XYLB: variants seen among roughly 807,000 people sequenced by gnomAD.
XYLB encodes xylulokinase.
A neutral mutation model predicts 78.7 loss-of-function variants in XYLB; 62 were observed. The observed-to-expected ratio is 0.79, with a 90% CI of 0.64 to 0.97. The LOEUF is 0.97. Ranked by LOEUF, XYLB falls within the 50% of genes least tolerant of loss-of-function variation. The pLI, the probability that XYLB is intolerant of heterozygous loss-of-function variation, is 0.00. For missense variants in XYLB, 687 were observed against 676.8 expected (o/e 1.02, Z -0.17); for synonymous variants, 245 against 247.4 (o/e 0.99, Z 0.09).
At chr3:38,382,948 G>T (rs549967703) in intron 15 of XYLB, among the ~76,000 whole-genome samples, 1 of 152,332 alleles carries the variant, frequency 6.6e-6, no homozygotes, top group African/African-American at 2.4e-5. Flanking sequence ...GAGGTTGCAC[G>T]CACGTGAGGA....
chr3:38,397,480 G>T lies in XYLB; in HGVS notation c.1438+321G>T, dbSNP rs571740311. ...GTGGGCATGAGTCTGGACAGCTAGA[G>T]GGCAGGAGAGGTGGACAAAGTCCAG... On this transcript the variant is annotated intron_variant, in intron 17 of 18. Transcript: ENST00000207870. Among the ~76,000 whole-genome samples the T allele has an allele frequency of 2.4e-4, 36 of 152,306 alleles. No individual in the cohort carries two copies. The Middle Eastern group carries it at 0.014, about 58-fold the overall frequency.
intron 3 of XYLB, 96 bp from the exon 4 acceptor site, chr3:38,362,841 T>G (rs900553133): frequency 1.1e-5 from 11 of 1,019,274 alleles, no homozygotes; most frequent in Non-Finnish European, 1.4e-5. Flanking sequence ...CAGAGTACTC[T>G]GCTGTAATGG....
At chr3:38,385,818 G>A (rs996155641) in intron 15 of XYLB, among the ~76,000 whole-genome samples, 2 of 152,162 alleles carry the variant, frequency 1.3e-5, no homozygotes, top group Admixed American at 1.3e-4. Flanking sequence ...ATGTTTGGAT[G>A]CTCTCTCTGG....
intron 3 of XYLB, among the ~76,000 whole-genome samples, chr3:38,361,430 G>A (rs936035884): frequency 6.6e-6 from 1 of 151,410 alleles, no homozygotes; most frequent in Non-Finnish European, 1.5e-5. Flanking sequence ...CAAAATAACT[G>A]GTATGATTTC....
downstream of XYLB, among the ~76,000 whole-genome samples, chr3:38,424,601 A>G (rs1264635909): frequency 2.0e-5 from 3 of 152,206 alleles, no homozygotes; most frequent in Non-Finnish European, 4.4e-5. Context: ...TCTGGATCAA[A>G]AAGTAAAGTT....
intron 15 of XYLB, among the ~76,000 whole-genome samples, chr3:38,381,618 T>G (rs1707148999): frequency 6.6e-6 from 1 of 152,222 alleles, no homozygotes; most frequent in South Asian, 2.1e-4. Context: ...AATGTGCGCC[T>G]GCGGGTAGGT....
At chr3:38,363,761 G>A (rs898448947) in intron 4 of XYLB, among the ~76,000 whole-genome samples, 5 of 152,172 alleles carry the variant, frequency 3.3e-5, no homozygotes, top group Non-Finnish European at 7.3e-5. Flanking sequence ...TTTACATGAG[G>A]CACGGAGAGG....
chr3:38,361,647 C>A (rs753045512), intron 3 of XYLB, among the ~76,000 whole-genome samples: 7 of 152,130 alleles, frequency 4.6e-5, no homozygotes, highest in Non-Finnish European at 7.3e-5. Flanking sequence ...AGGCCTTCAC[C>A]TGGGGAGGTG....
At position 38,374,517 on chromosome 3, in the gene XYLB, C is replaced by T; in HGVS notation, c.888+15C>T. The T allele has an allele frequency of 1.2e-6, 2 of 1,613,630 alleles. No individual in the cohort carries two copies. The highest frequency in any genetic ancestry group is 1.7e-6 in the Non-Finnish European group (2 of 1,179,744). On this transcript the variant is annotated intron_variant, in intron 11 of 18. Coordinates refer to ENST00000207870, the MANE Select transcript of XYLB (RefSeq NM_005108.4). ...GTGACATTGCGGTAAGGCGACTTCC[C>T]ACACCCATAGGCTCTTTCTGTTTCC...
intron 2 of XYLB, among the ~76,000 whole-genome samples, chr3:38,354,874 G>T (rs1705564252): frequency 1.3e-5 from 2 of 152,156 alleles, no homozygotes; most frequent in South Asian, 4.1e-4. Flanking sequence ...AACTTTATGA[G>T]ATTAAGTCTT....
intron 18 of XYLB, among the ~76,000 whole-genome samples, chr3:38,412,073 C>A (rs925960268): frequency 6.6e-6 from 1 of 151,822 alleles, no homozygotes; most frequent in African/African-American, 2.4e-5. Flanking sequence ...TCACTGCAAC[C>A]CCCGGCTCCC....
chr3:38,418,526 G>A (rs1708876075), downstream of XYLB, among the ~76,000 whole-genome samples: 1 of 152,100 alleles, frequency 6.6e-6, no homozygotes, highest in African/African-American at 2.4e-5. Context: ...TGAAATTATT[G>A]ATAACAGCGA....
the XYLB span, among the ~76,000 whole-genome samples, chr3:38,429,677 G>A: frequency 6.6e-6 from 1 of 152,080 alleles, no homozygotes; most frequent in African/African-American, 2.4e-5. Context: ...ATTTACATTG[G>A]GTATTTCTCC....
In XYLB at chr3:38,413,058, A is replaced by G. The variant is rs936462367; in HGVS notation, c.*45A>G. 1.3e-6 allele frequency: 2 copies of G among 1,537,800 alleles called. No homozygotes were observed. The highest frequency in any genetic ancestry group is 1.8e-6 in the Non-Finnish European group (2 of 1,142,034). ...CTGCCTGCCCAGATTTACTGACCCC[A>G]TTTGTCGACATGGCCCCAGACAGGA... On this transcript the variant is annotated 3_prime_UTR_variant, in exon 19 of 19. Transcript: ENST00000207870.
intron 4 of XYLB, 66 bp downstream of exon 4, chr3:38,363,083 G>A: frequency 7.6e-7 from 1 of 1,313,490 alleles, no homozygotes; most frequent in Admixed American, 2.9e-5. Flanking sequence ...TGTGGGTGTT[G>A]AAGAGATGGC....
intron 17 of XYLB, among the ~76,000 whole-genome samples, chr3:38,400,371 C>T (rs1398062490): frequency 7.2e-5 from 11 of 152,108 alleles, no homozygotes; most frequent in African/African-American, 2.4e-4. Flanking sequence ...TGGTGCTGAG[C>T]GCTAAGGAGG....
chr3:38,395,067 G>C (rs1326266206), intron 15 of XYLB, among the ~76,000 whole-genome samples: 1 of 152,196 alleles, frequency 6.6e-6, no homozygotes, highest in Non-Finnish European at 1.5e-5. Context: ...CGGCCCTATT[G>C]AATGTGAGGG....
intron 18 of XYLB, among the ~76,000 whole-genome samples, chr3:38,408,680 G>A (rs552455587): frequency 6.0e-4 from 71 of 118,838 alleles, no homozygotes; most frequent in African/African-American, 1.2e-3. Context: ...TCAAATAGAC[G>A]CAATAAAAAA....
the XYLB span, among the ~76,000 whole-genome samples, chr3:38,445,318 G>A: frequency 3.9e-5 from 6 of 152,258 alleles, no homozygotes; most frequent in Admixed American, 6.5e-5. Flanking sequence ...CCCACGCGAC[G>A]GGGCTTTGGG....
Sources: gnomAD v4.1 joint callset for allele counts (sites outside exome capture counted in the v4.1 genomes callset) on GRCh38, gnomAD v4.1.1 for gene constraint, MANE v1.5 for transcripts, NCBI Gene and HGNC (gene_info 2026-07-23, HGNC 2026-07-21) for gene names.